The following LONP1 variants were observed in gnomAD, a reference collection of about 807,000 sequenced individuals.
LONP1 encodes the protein lon protease homolog, mitochondrial.
In LONP1, 31 loss-of-function variants were observed where a neutral mutation model predicts 98.5. The observed-to-expected ratio is 0.31, with a 90% CI of 0.24 to 0.42. LONP1 has a LOEUF of 0.42. Ranked by LOEUF, LONP1 falls within the 20% of genes least tolerant of loss-of-function variation. LONP1 has a pLI of 1.00. For missense variants in LONP1, 1,336 were observed against 1,350.6 expected (o/e 0.99, Z 0.17); for synonymous variants, 781 against 594.7 (o/e 1.31, Z -4.56).
chr19:5,691,914 A>C lies in LONP1; in HGVS notation c.*118T>G. 1 of 1,178,406 alleles carries C rather than the reference A, an allele frequency of 8.5e-7. No homozygotes were observed. Among genetic ancestry groups the C allele is most frequent in the Non-Finnish European group, 1.2e-6 (1 of 845,974 alleles). The allele number at this position is 1,178,406 out of a possible 1,614,324, so 73.0% of individuals were successfully genotyped here. On this transcript the variant is annotated 3_prime_UTR_variant, in exon 18 of 18. Coordinates refer to ENST00000360614, the MANE Select transcript of LONP1 (RefSeq NM_004793.4). ...GACTGAGGTCCCTGGGATCTGGGTCACTGGACCGAGCTGCTCGCTCGGTGG... is the reference window on the plus strand; with the variant it reads ...GACTGAGGTCCCTGGGATCTGGGTCCCTGGACCGAGCTGCTCGCTCGGTGG...
intron 1 of LONP1, among the ~76,000 whole-genome samples, chr19:5,715,253 T>C (rs2055296939): frequency 6.6e-6 from 1 of 151,406 alleles, no homozygotes; most frequent in Non-Finnish European, 1.5e-5. Flanking sequence ...GGTTTGAAAA[T>C]CAAAACCATT....
intron 11 of LONP1, 63 bp downstream of exon 11, chr19:5,696,607 C>G: frequency 6.7e-7 from 1 of 1,485,318 alleles, no homozygotes; most frequent in Non-Finnish European, 9.3e-7. Flanking sequence ...ACCCGGAAGG[C>G]TCGGCTTCAT....
Position 5,711,108 on chromosome 19 carries a change from G to A in LONP1, c.870+663C>T, listed in dbSNP as rs557611547. On this transcript the variant is annotated intron_variant, in intron 4 of 17. Transcript: ENST00000360614. The stretch of plus-strand genomic sequence containing the variant: ...TGACCTCAAGAACCCAGGTGGGCCT[G>A]TGGACAGGACTTTCCACCCCTGCCA... Among the ~76,000 whole-genome samples, 6 of 152,188 alleles carry A rather than the reference G, an allele frequency of 3.9e-5. No homozygotes were observed. The South Asian group carries it at 1.2e-3, about 32-fold the overall frequency.
intron 8 of LONP1, among the ~76,000 whole-genome samples, chr19:5,702,192 G>A (rs1283526573): frequency 5.3e-5 from 8 of 150,684 alleles, no homozygotes; most frequent in East Asian, 2.0e-4. Flanking sequence ...CGCCCCCTCC[G>A]GGAGGGAGGA....
At chr19:5,708,800 T>A (rs1599471516) in intron 4 of LONP1, 1 of 166,570 alleles carries the variant, frequency 6.0e-6, no homozygotes, top group Non-Finnish European at 1.3e-5. Context: ...GATCATGAGG[T>A]CAGGAGATCG....
chr19:5,718,742 G>A (rs958990671), intron 1 of LONP1, among the ~76,000 whole-genome samples: 3 of 151,818 alleles, frequency 2.0e-5, no homozygotes, highest in African/African-American at 7.3e-5. Flanking sequence ...GAAGGCTTTT[G>A]GGGCCTTCCT....
chr19:5,701,971 T>C (rs1406876205), intron 8 of LONP1, among the ~76,000 whole-genome samples: 2 of 150,658 alleles, frequency 1.3e-5, no homozygotes, highest in Non-Finnish European at 3.0e-5. Context: ...AGAGCGTCTC[T>C]GCCCGGCAGC....
At chr19:5,708,433 C>CCCAGCAGTGCT in intron 4 of LONP1, 30 bp from the exon 5 acceptor site, 1 of 1,582,834 alleles carries the variant, frequency 6.3e-7, no homozygotes. Context: ...GTCGCTGGGG[C>CCCAGCAGTGCT]CCAGCAGTGC....
intron 10 of LONP1, 69 bp downstream of exon 10, chr19:5,698,958 C>A (rs2054992502): frequency 1.4e-6 from 2 of 1,477,610 alleles, no homozygotes; most frequent in African/African-American, 2.8e-5. Context: ...TAAAGGGTGA[C>A]CGGAGAAGAC....
At chr19:5,711,063 G>C (rs1012248016) in intron 4 of LONP1, among the ~76,000 whole-genome samples, 6 of 151,966 alleles carry the variant, frequency 3.9e-5, no homozygotes, top group African/African-American at 1.4e-4. Context: ...CGCAGGGGTA[G>C]TGGGGCAGGA....
At chr19:5,704,931 T>C (rs2055119342) in intron 8 of LONP1, among the ~76,000 whole-genome samples, 1 of 150,400 alleles carries the variant, frequency 6.6e-6, no homozygotes, top group Non-Finnish European at 1.5e-5. Context: ...GAGGGCAAGG[T>C]GGGCGGATCC....
chr19:5,695,930 C>T, intron 13 of LONP1, 124 bp downstream of exon 13: 1 of 768,502 alleles, frequency 1.3e-6, no homozygotes, highest in Non-Finnish European at 2.0e-6. Context: ...CCATCTGCTC[C>T]TCGGCCGCAG....
chr19:5,704,344 G>A (rs1021773838), intron 8 of LONP1, among the ~76,000 whole-genome samples: 72 of 152,314 alleles, frequency 4.7e-4, no homozygotes, highest in African/African-American at 1.7e-3. Context: ...AGCAGCCATG[G>A]GAGCTCACAG....
chr19:5,712,385 C>G, intron 3 of LONP1: 1 of 204,286 alleles, frequency 4.9e-6, no homozygotes, highest in Non-Finnish European at 9.9e-6. Context: ...CATAGCAGCT[C>G]CTTCCTGTTG....
intron 1 of LONP1, among the ~76,000 whole-genome samples, chr19:5,714,573 G>T (rs930086536): frequency 2.0e-5 from 3 of 151,508 alleles, no homozygotes; most frequent in Non-Finnish European, 4.4e-5. Flanking sequence ...CCAAAATGCC[G>T]GGATTATAGG....
At chr19:5,697,549 TGGAGAG>T (rs2145588037) in intron 10 of LONP1, among the ~76,000 whole-genome samples, 1 of 69,476 alleles carries the variant, frequency 1.4e-5, no homozygotes, top group Non-Finnish European at 2.6e-5. Context: ...AGGGAGGAGA[TGGAGAG>T]GGAAGGGGGT....
intron 17 of LONP1, 112 bp downstream of exon 17, chr19:5,693,186 C>T (rs2054861589): frequency 1.3e-5 from 18 of 1,360,550 alleles, no homozygotes; most frequent in African/African-American, 2.9e-5. Context: ...GCTTCCAAAG[C>T]CCAGGGCTTC....
chr19:5,701,495 T>G (rs1425782298), intron 8 of LONP1, among the ~76,000 whole-genome samples: 1 of 152,152 alleles, frequency 6.6e-6, no homozygotes, highest in Non-Finnish European at 1.5e-5. Flanking sequence ...CACGCCTGAC[T>G]GGTTTTCCTA....
intron 7 of LONP1, 147 bp from the exon 8 acceptor site, chr19:5,706,139 ATCT>A (rs1439470978): frequency 2.7e-5 from 17 of 620,736 alleles, no homozygotes; most frequent in South Asian, 1.6e-4. Flanking sequence ...GGTTCCTTCC[ATCT>A]TCTTTTGTTT....
Sources: allele counts gnomAD v4.1 joint callset (sites outside exome capture counted in the v4.1 genomes callset), GRCh38; gene constraint gnomAD v4.1.1; transcripts MANE v1.5; gene names NCBI Gene and HGNC (gene_info 2026-07-23, HGNC 2026-07-21).